WDR27: variants seen among roughly 807,000 people sequenced by gnomAD.
WDR27 encodes the protein WD repeat domain 27.
Under a neutral mutation model 114.4 loss-of-function variants are expected in WDR27, and 100 were observed. The ratio of observed to expected loss-of-function variants is 0.87; its 90% CI spans 0.74 to 1.03. The LOEUF is 1.03. WDR27 is among the 50% of genes least tolerant of loss of function. The pLI, the probability that WDR27 is intolerant of heterozygous loss-of-function variation, is 0.00. For missense variants in WDR27, 1,129 were observed against 1,092.9 expected, an observed-to-expected ratio of 1.03 and a Z score of -0.47; for synonymous variants, 449 against 423.1, an observed-to-expected ratio of 1.06 and a Z score of -0.75.
chr6:169,464,483 T>C (rs937443936), intron 25 of WDR27, among the ~76,000 whole-genome samples: 5 of 152,162 alleles, frequency 3.3e-5, no homozygotes, highest in African/African-American at 1.2e-4. Flanking sequence ...CAATGATCTA[T>C]TGGATATGAC....
intron 25 of WDR27, among the ~76,000 whole-genome samples, chr6:169,463,316 C>G (rs1040406051): frequency 6.6e-6 from 1 of 152,194 alleles, no homozygotes; most frequent in African/African-American, 2.4e-5. Context: ...AAGCTAGGCA[C>G]TTCTTAAAGG....
At chr6:169,500,272 G>A (rs554661025) in intron 25 of WDR27, among the ~76,000 whole-genome samples, 38 of 152,210 alleles carry the variant, frequency 2.5e-4, no homozygotes, top group Non-Finnish European at 4.1e-4. Flanking sequence ...ATGATGGTGC[G>A]TTTTATAGCA....
chr6:169,598,833 T>G (rs548105507), intron 23 of WDR27, among the ~76,000 whole-genome samples: 39 of 152,266 alleles, frequency 2.6e-4, no homozygotes, highest in African/African-American at 8.9e-4. Flanking sequence ...AGAAAATAAG[T>G]GTCTATTTTT....
chr6:169,497,923 T>G (rs557498577), intron 25 of WDR27, among the ~76,000 whole-genome samples: 4 of 152,194 alleles, frequency 2.6e-5, no homozygotes, highest in Non-Finnish European at 5.9e-5. Context: ...GCAAAAAAAC[T>G]GAAAGCAGGG....
intron 1 of WDR27, among the ~76,000 whole-genome samples, chr6:169,699,854 T>C (rs1271942615): frequency 6.6e-6 from 1 of 151,758 alleles, no homozygotes; most frequent in Non-Finnish European, 1.5e-5. Flanking sequence ...TGGCAGTGCA[T>C]GCTTGTAGCC....
At chr6:169,434,975 A>G in the WDR27 span, among the ~76,000 whole-genome samples, 2 of 152,212 alleles carry the variant, frequency 1.3e-5, no homozygotes, top group South Asian at 4.1e-4. Flanking sequence ...GGAGTAAAAA[A>G]TGGTTTCATG....
At chr6:169,450,823 C>G in the WDR27 span, among the ~76,000 whole-genome samples, 88 of 152,244 alleles carry the variant, frequency 5.8e-4, no homozygotes, top group Non-Finnish European at 9.7e-4. Context: ...CTTGGTGTTG[C>G]TGAGGAAAAT....
chr6:169,607,174 T>C lies in WDR27; in HGVS notation c.2322-4853A>G, dbSNP rs142627994. Among the ~76,000 whole-genome samples, 201 of 152,264 alleles carry C rather than the reference T, an allele frequency of 1.3e-3. 4 individuals carry two copies. The East Asian group carries it at 0.031, about 24-fold the overall frequency. On this transcript the variant is annotated intron_variant, in intron 22 of 25. Coordinates refer to ENST00000448612, the MANE Select transcript of WDR27 (RefSeq NM_182552.5). ...TTAGTACAACCTCTACGCAAAACAA[T>C]GTGAAGATCTCTCAAAGAACTAAAA...
At chr6:169,594,514 C>T (rs985777907) in intron 23 of WDR27, among the ~76,000 whole-genome samples, 1 of 152,186 alleles carries the variant, frequency 6.6e-6, no homozygotes, top group Non-Finnish European at 1.5e-5. Flanking sequence ...GAGACAGATA[C>T]GTTAGTCTCC....
the WDR27 span, among the ~76,000 whole-genome samples, chr6:169,448,428 A>G: frequency 6.8e-6 from 1 of 147,868 alleles, no homozygotes; most frequent in African/African-American, 2.5e-5. Flanking sequence ...GTATGTATAT[A>G]TATATATTTT....
the WDR27 span, among the ~76,000 whole-genome samples, chr6:169,435,081 G>C: frequency 6.6e-6 from 1 of 152,230 alleles, no homozygotes; most frequent in Non-Finnish European, 1.5e-5. Flanking sequence ...CCAAGGCATA[G>C]CTTAGGCCAT....
chr6:169,633,076 A>G lies in WDR27; in HGVS notation c.2102-8T>C. ...CAGCTGCGAGTACGATGTCTGCGATAATCCAGTTAGGGAGCTCTTCTCAAC... is the reference window on the plus strand; with the variant it reads ...CAGCTGCGAGTACGATGTCTGCGATGATCCAGTTAGGGAGCTCTTCTCAAC... On this transcript the variant is annotated splice_region_variant and splice_polypyrimidine_tract_variant and intron_variant, in intron 20 of 25. Coordinates refer to ENST00000448612, the MANE Select transcript of WDR27 (RefSeq NM_182552.5). The G allele has an allele frequency of 6.4e-7, 1 of 1,574,238 alleles. No individual in the cohort carries two copies. Among genetic ancestry groups the G allele is most frequent in the South Asian group, 1.2e-5 (1 of 86,914 alleles).
At chr6:169,623,477 T>C (rs936605304) in intron 21 of WDR27, among the ~76,000 whole-genome samples, 2 of 152,132 alleles carry the variant, frequency 1.3e-5, no homozygotes, top group African/African-American at 4.8e-5. Context: ...GGTGAACCAT[T>C]GGGCGGTTAC....
At chr6:169,489,533 G>A (rs189065367) in intron 25 of WDR27, among the ~76,000 whole-genome samples, 55 of 152,292 alleles carry the variant, frequency 3.6e-4, no homozygotes, top group African/African-American at 1.3e-3. Flanking sequence ...TACAGATTTC[G>A]GAGAAAGAAA....
At position 169,659,322 on chromosome 6, in the gene WDR27, C is replaced by T; in HGVS notation, c.1198-115G>A. Reference sequence around the variant, plus strand: ...TCATTCTCATAGCAGCGACATCGCCCTGTCACTCCTAAAACGTTTTTACAC... The same window carrying T: ...TCATTCTCATAGCAGCGACATCGCCTTGTCACTCCTAAAACGTTTTTACAC... On this transcript the variant is annotated intron_variant, in intron 11 of 25. Coordinates refer to ENST00000448612, the MANE Select transcript of WDR27 (RefSeq NM_182552.5). This position sits in a 1 kb window ranked among gnomAD's most constrained non-coding sequence, Gnocchi z 4.3. 2.6e-6 allele frequency: 4 copies of T among 1,559,480 alleles called. No homozygotes were observed. The South Asian group carries it at 3.6e-5, about 14-fold the overall frequency.
At chr6:169,688,666 AT>A in intron 2 of WDR27, 150 bp downstream of exon 2, 1 of 344,490 alleles carries the variant, frequency 2.9e-6, no homozygotes, top group Non-Finnish European at 5.0e-6. Context: ...AAATTTAAAA[AT>A]AAAAAAATAT....
At chr6:169,658,101 C>G in intron 13 of WDR27, 175 bp downstream of exon 13, 1 of 566,320 alleles carries the variant, frequency 1.8e-6, no homozygotes, top group South Asian at 2.1e-5. Context: ...GCAAGTTCCC[C>G]ACCACAGCGG....
rs372156040 is a variant in WDR27, at chr6:169,625,521, C to T, written c.2223+7426G>A. Among the ~76,000 whole-genome samples the T allele has an allele frequency of 5.3e-5, 8 of 152,334 alleles. 1 individual carries two copies. Among genetic ancestry groups the T allele is most frequent in the Middle Eastern group, 6.8e-3 (2 of 292 alleles). ...GCACAGACAGAGTGCAGCTGGCGGA[C>T]GCTCAGCTCCATCTTCTGAGAGCCC... On this transcript the variant is annotated intron_variant, in intron 21 of 25. Coordinates refer to ENST00000448612, the MANE Select transcript of WDR27 (RefSeq NM_182552.5).
At chr6:169,616,998 A>G (rs1051150493) in intron 21 of WDR27, among the ~76,000 whole-genome samples, 1 of 152,196 alleles carries the variant, frequency 6.6e-6, no homozygotes, top group Admixed American at 6.5e-5. Flanking sequence ...AAAATCAAGC[A>G]ACAGGGAGAT....
Sources: gnomAD v4.1 joint callset for allele counts (sites outside exome capture counted in the v4.1 genomes callset) on GRCh38, gnomAD v4.1.1 for gene constraint, Gnocchi (gnomAD v3.1) non-coding constraint, MANE v1.5 for transcripts, NCBI Gene and HGNC (gene_info 2026-07-23, HGNC 2026-07-21) for gene names.